The following RPTOR variants were observed in gnomAD, a reference collection of about 807,000 sequenced individuals.
The protein encoded by RPTOR is regulatory-associated protein of mTOR.
Under a neutral mutation model 169.9 loss-of-function variants are expected in RPTOR, and 21 were observed. The observed-to-expected ratio is 0.12, with a 90% CI of 0.09 to 0.18. The LOEUF is 0.18. Ranked by LOEUF, RPTOR falls within the 10% of genes least tolerant of loss-of-function variation. The probability of loss-of-function intolerance (pLI) is 1.00; values close to 1 mark genes in which losing one functional copy is unlikely to be tolerated. For synonymous variants in RPTOR, 732 were observed against 753.2 expected, an observed-to-expected ratio of 0.97 and a Z score of 0.46; for missense variants, 1,133 against 1,855.9, an observed-to-expected ratio of 0.61 and a Z score of 7.16.
At chr17:80,760,300 C>CTTTTTTTTTTTTTTT (rs1479994551) in intron 6 of RPTOR, among the ~76,000 whole-genome samples, 1 of 96,500 alleles carries the variant, frequency 1.0e-5, no homozygotes, top group African/African-American at 3.9e-5. Context: ...TTTCTTTTTT[C>CTTTTTTTTTTTTTTT]TTTTTTCTTT....
chr17:80,923,389 C>A, intron 22 of RPTOR, 101 bp from the exon 23 acceptor site: 2 of 1,347,720 alleles, frequency 1.5e-6, no homozygotes, highest in South Asian at 1.2e-5. Flanking sequence ...GCCCTGGTGG[C>A]ACCTGGGAGG....
chr17:80,623,464 A>G (rs770263407), intron 1 of RPTOR, among the ~76,000 whole-genome samples: 10 of 152,208 alleles, frequency 6.6e-5, no homozygotes, highest in Non-Finnish European at 1.2e-4. Flanking sequence ...ATTGGTGATA[A>G]TTTTTTACAT....
chr17:80,750,121 G>T (rs2066616939), intron 5 of RPTOR, among the ~76,000 whole-genome samples: 1 of 152,116 alleles, frequency 6.6e-6, no homozygotes, highest in Non-Finnish European at 1.5e-5. Flanking sequence ...CAAAGTGCTG[G>T]TATTACAGAT....
intron 13 of RPTOR, among the ~76,000 whole-genome samples, chr17:80,865,872 C>T (rs189728639): frequency 3.3e-5 from 5 of 152,186 alleles, no homozygotes; most frequent in Admixed American, 1.3e-4. Context: ...CCACGATAGG[C>T]CCGACCCTTG....
At chr17:80,658,689 C>T (rs942523805) in intron 3 of RPTOR, among the ~76,000 whole-genome samples, 7 of 151,978 alleles carry the variant, frequency 4.6e-5, no homozygotes, top group Admixed American at 3.9e-4. Flanking sequence ...GACCTTTTCA[C>T]CATGTCCTGT....
chr17:80,653,323 C>T (rs1222238849), intron 3 of RPTOR, among the ~76,000 whole-genome samples: 1 of 152,088 alleles, frequency 6.6e-6, no homozygotes, highest in South Asian at 2.1e-4. Context: ...CAGGAGGATC[C>T]TTTGAGCTCA....
intron 6 of RPTOR, among the ~76,000 whole-genome samples, chr17:80,777,242 AAAAAAAG>A (rs1479168785): frequency 1.3e-5 from 2 of 151,196 alleles, no homozygotes; most frequent in Non-Finnish European, 2.9e-5. Flanking sequence ...TCTCAAAAAA[AAAAAAAG>A]AAAAAAGAAA....
chr17:80,953,160 C>T (rs567747312), intron 28 of RPTOR, among the ~76,000 whole-genome samples: 2 of 152,318 alleles, frequency 1.3e-5, no homozygotes, highest in African/African-American at 4.8e-5. Context: ...CCACTGCACC[C>T]AGCCTGTGCA....
chr17:80,730,936 C>T lies in RPTOR; in HGVS notation c.654+230C>T, dbSNP rs995051772. Among the ~76,000 whole-genome samples, 2 of 152,148 alleles carry T rather than the reference C, an allele frequency of 1.3e-5. No homozygotes were observed. Among genetic ancestry groups the T allele is most frequent in the East Asian group, 1.9e-4 (1 of 5,194 alleles). On this transcript the variant is annotated intron_variant, in intron 5 of 33. Transcript: ENST00000306801. The surrounding 1 kb of genome is among the most constrained non-coding windows in gnomAD (Gnocchi z 4.2). ...TTGCCCAGGCTGGAGTGCTGTGGTGCCGTCTCCAGTCACTGCAATGTCTGT... is the reference window on the plus strand; with the variant it reads ...TTGCCCAGGCTGGAGTGCTGTGGTGTCGTCTCCAGTCACTGCAATGTCTGT...
At chr17:80,643,281 C>A (rs945227173) in intron 2 of RPTOR, among the ~76,000 whole-genome samples, 1 of 152,124 alleles carries the variant, frequency 6.6e-6, no homozygotes, top group Non-Finnish European at 1.5e-5. Flanking sequence ...ATACTGAGTG[C>A]AGATGAAAAT....
chr17:80,824,984 G>A (rs896780334), intron 9 of RPTOR, among the ~76,000 whole-genome samples: 6 of 151,960 alleles, frequency 3.9e-5, no homozygotes, highest in African/African-American at 1.5e-4. Flanking sequence ...TAGAGGCCGC[G>A]TGGCGAGGCC....
At chr17:80,712,986 T>A (rs142422605) in intron 4 of RPTOR, among the ~76,000 whole-genome samples, 1 of 152,200 alleles carries the variant, frequency 6.6e-6, no homozygotes, top group Non-Finnish European at 1.5e-5. Flanking sequence ...CTCTTCAGGT[T>A]TTTTGCCCAT....
At chr17:80,743,875 CCCTGGCTACTAGCACTGT>C (rs1567887589) in intron 5 of RPTOR, among the ~76,000 whole-genome samples, 696 of 68,466 alleles carry the variant, frequency 0.01, 152 homozygotes, top group African/African-American at 0.032. Context: ...ACTAGCACAG[CCCTGGCTACTAGCACTGT>C]CCTGGTTACG....
rs1247628641 is a variant in RPTOR at position 80,960,969 on chromosome 17, C to T, written c.3606-425C>T. 2 of 188,826 alleles carry T rather than the reference C, an allele frequency of 1.1e-5. No individual in the cohort carries two copies. Among genetic ancestry groups the T allele is most frequent in the African/African-American group, 4.7e-5 (2 of 42,912 alleles). The allele number at this position is 188,826 out of a possible 1,614,324, so 11.7% of individuals were successfully genotyped here. A position where few individuals can be genotyped will look rare whatever the true frequency, so the allele number is the denominator to read the frequency against. ...CAGAAGGTCCTTGTGCCTCCAGCTT[C>T]ATCAGCTTTAGGTCTGGGATTCTCA... On this transcript the variant is annotated intron_variant, in intron 30 of 33. Coordinates refer to ENST00000306801, the MANE Select transcript of RPTOR (RefSeq NM_020761.3). The surrounding 1 kb of genome is among the most constrained non-coding windows in gnomAD (Gnocchi z 4.8).
chr17:80,783,894 T>G (rs188039804), intron 6 of RPTOR, among the ~76,000 whole-genome samples: 1 of 152,354 alleles, frequency 6.6e-6, no homozygotes, highest in Admixed American at 6.5e-5. Context: ...GAGTAAACTT[T>G]TCTGTACATT....
rs1598348322 is a variant in RPTOR at position 80,844,225 on chromosome 17, C to T, written c.1213-2248C>T. Among the ~76,000 whole-genome samples the T allele has an allele frequency of 2.0e-5, 3 of 152,186 alleles. No individual in the cohort carries two copies. The highest frequency in any genetic ancestry group is 1.9e-4 in the East Asian group (1 of 5,186). ...GCTTGCTCTAATTCGTCAGCCTCCCCGTGGCTTTAGGGAGCTTCACGGGCT... is the reference window on the plus strand; with the variant it reads ...GCTTGCTCTAATTCGTCAGCCTCCCTGTGGCTTTAGGGAGCTTCACGGGCT... On this transcript the variant is annotated intron_variant, in intron 10 of 33. Coordinates refer to ENST00000306801, the MANE Select transcript of RPTOR (RefSeq NM_020761.3). This position sits in a 1 kb window ranked among gnomAD's most constrained non-coding sequence, Gnocchi z 4.7.
intron 7 of RPTOR, among the ~76,000 whole-genome samples, chr17:80,806,181 C>G (rs4969277): frequency 6.6e-6 from 1 of 152,044 alleles, no homozygotes; most frequent in African/African-American, 2.4e-5. Context: ...TATTGTCTCT[C>G]GGGTGCCATG....
intron 6 of RPTOR, among the ~76,000 whole-genome samples, chr17:80,758,954 A>G (rs1417482006): frequency 6.6e-6 from 1 of 151,222 alleles, no homozygotes; most frequent in Non-Finnish European, 1.5e-5. Flanking sequence ...GCTACCTGTC[A>G]CTAAACCCAG....
At chr17:80,962,807 T>C in intron 32 of RPTOR, 121 bp from the exon 33 acceptor site, 1 of 1,511,300 alleles carries the variant, frequency 6.6e-7, no homozygotes, top group Non-Finnish European at 8.9e-7. Context: ...GGGTCACACC[T>C]GCCCCGAGCC....
Sources: gnomAD v4.1 joint callset for allele counts (sites outside exome capture counted in the v4.1 genomes callset) on GRCh38, gnomAD v4.1.1 for gene constraint, Gnocchi (gnomAD v3.1) non-coding constraint, MANE v1.5 for transcripts, NCBI Gene and HGNC (gene_info 2026-07-23, HGNC 2026-07-21) for gene names.